PXDNL: variants seen among roughly 807,000 people sequenced by gnomAD.
PXDNL encodes peroxidasin like.
Under a neutral mutation model 150.8 loss-of-function variants are expected in PXDNL, and 145 were observed. The ratio of observed to expected loss-of-function variants is 0.96; its 90% CI spans 0.84 to 1.10. The LOEUF (loss-of-function observed/expected upper bound fraction) is 1.10, where lower values mean the gene tolerates loss of function less well. Among genes scored for constraint, PXDNL ranks in the 50% least tolerant of loss-of-function variants. The pLI, the probability that PXDNL is intolerant of heterozygous loss-of-function variation, is 0.00. For synonymous variants in PXDNL, 757 were observed against 725.7 expected, an observed-to-expected ratio of 1.04 and a Z score of -0.69; for missense variants, 2,087 against 1,873.9, an observed-to-expected ratio of 1.11 and a Z score of -2.10.
chr8:51,672,906 G>C (rs1815529679), intron 1 of PXDNL, among the ~76,000 whole-genome samples: 1 of 152,018 alleles, frequency 6.6e-6, no homozygotes, highest in Non-Finnish European at 1.5e-5. Context: ...ATATATTCCT[G>C]ATTTGCTGTG....
intron 17 of PXDNL, among the ~76,000 whole-genome samples, chr8:51,404,883 G>A (rs377128136): frequency 1.1e-4 from 16 of 152,322 alleles, no homozygotes; most frequent in African/African-American, 3.6e-4. Flanking sequence ...GACGGTGATC[G>A]TCAGGGAGGC....
At chr8:51,462,029 A>G (rs1002462493) in intron 8 of PXDNL, among the ~76,000 whole-genome samples, 2 of 152,260 alleles carry the variant, frequency 1.3e-5, no homozygotes, top group East Asian at 1.9e-4. Context: ...TCTAGCCACA[A>G]ATTAAGTTCC....
intron 8 of PXDNL, 38 bp downstream of exon 8, chr8:51,472,146 CAGA>C (rs1810353128): frequency 1.5e-6 from 2 of 1,292,480 alleles, no homozygotes; most frequent in East Asian, 2.3e-5. Context: ...TTGCTGGAAT[CAGA>C]AGGAGAATCA....
At chr8:51,461,106 T>C (rs1214325120) in intron 8 of PXDNL, among the ~76,000 whole-genome samples, 3 of 152,164 alleles carry the variant, frequency 2.0e-5, no homozygotes, top group Non-Finnish European at 2.9e-5. Context: ...GCACAGCCAG[T>C]GCTAGACCCC....
At chr8:51,597,401 T>C (rs748315210) in intron 2 of PXDNL, among the ~76,000 whole-genome samples, 2 of 152,178 alleles carry the variant, frequency 1.3e-5, no homozygotes, top group East Asian at 1.9e-4. Flanking sequence ...TAGGGTTTCA[T>C]ATAAATTTTA....
chr8:51,458,153 C>T (rs1016848814), intron 8 of PXDNL, among the ~76,000 whole-genome samples: 6 of 152,190 alleles, frequency 3.9e-5, no homozygotes, highest in African/African-American at 1.4e-4. Flanking sequence ...AATTATATGA[C>T]TAAGCAATAA....
chr8:51,614,127 T>G (rs1248186180), intron 2 of PXDNL, among the ~76,000 whole-genome samples: 1 of 152,206 alleles, frequency 6.6e-6, no homozygotes, highest in Non-Finnish European at 1.5e-5. Context: ...AAAAATAACT[T>G]TCAGAATTAT....
chr8:51,696,790 C>CACACATCCACACACACAGGT (rs1563510230), intron 1 of PXDNL, among the ~76,000 whole-genome samples: 2 of 58,212 alleles, frequency 3.4e-5, no homozygotes, highest in Non-Finnish European at 3.6e-5. Context: ...CACATACCCA[C>CACACATCCACACACACAGGT]CCACACATAG....
intron 1 of PXDNL, among the ~76,000 whole-genome samples, chr8:51,696,844 C>CACACACATCCACACACAGGTCCA (rs1563510419): frequency 7.0e-6 from 1 of 143,328 alleles, no homozygotes; most frequent in Non-Finnish European, 1.5e-5. Context: ...CACACAGGTC[C>CACACACATCCACACACAGGTCCA]TGACACACAC....
In PXDNL at chr8:51,409,055, C is replaced by A; in HGVS notation, c.2569G>T (p.Ala857Ser). Reference protein sequence around the residue: ...TRHADPRGTHAPCMLFARSSP... With the variant: ...TRHADPRGTHSPCMLFARSSP... ...GAGCGCGCGAAGAGCATGCAGGGCG[C>A]GTGGGTGCCCCGGGGGTCGGCGTGC... The change falls in exon 17 of 23, where the codon GCG (alanine) becomes TCG (serine). Residue 857 changes from alanine (A) to serine (S), a missense_variant. Coordinates refer to ENST00000356297, the MANE Select transcript of PXDNL (RefSeq NM_144651.5). The A allele has an allele frequency of 6.2e-7, 1 of 1,609,890 alleles. No individual in the cohort carries two copies. Among genetic ancestry groups the A allele is most frequent in the Non-Finnish European group, 8.5e-7 (1 of 1,179,552 alleles).
chr8:51,694,294 C>T (rs528956356), intron 1 of PXDNL, among the ~76,000 whole-genome samples: 4 of 152,102 alleles, frequency 2.6e-5, no homozygotes, highest in East Asian at 3.9e-4. Flanking sequence ...ATCCAGGAGG[C>T]GGAGGTTGCA....
intron 17 of PXDNL, among the ~76,000 whole-genome samples, chr8:51,402,705 T>C (rs1808294255): frequency 6.6e-6 from 1 of 152,176 alleles, no homozygotes; most frequent in African/African-American, 2.4e-5. Context: ...GAAATTTATG[T>C]TCACCATTCA....
chr8:51,787,852 T>G (rs567109972), intron 1 of PXDNL, among the ~76,000 whole-genome samples: 1 of 152,014 alleles, frequency 6.6e-6, no homozygotes, highest in African/African-American at 2.4e-5. Context: ...AAAAGAAGAG[T>G]CCATTAATGC....
intron 20 of PXDNL, among the ~76,000 whole-genome samples, chr8:51,344,625 T>C (rs1277295412): frequency 6.6e-6 from 1 of 152,218 alleles, no homozygotes; most frequent in African/African-American, 2.4e-5. Flanking sequence ...ATAAGCACTT[T>C]CGTTAAGTGA....
chr8:51,339,779 A>C, intron 20 of PXDNL, 26 bp from the exon 21 acceptor site: 2 of 1,582,472 alleles, frequency 1.3e-6, no homozygotes, highest in Non-Finnish European at 1.7e-6. Flanking sequence ...AGCAAATAAA[A>C]TGCTGAAAAA....
intron 3 of PXDNL, among the ~76,000 whole-genome samples, chr8:51,580,273 T>C (rs1813178160): frequency 6.6e-6 from 1 of 152,124 alleles, no homozygotes; most frequent in African/African-American, 2.4e-5. Flanking sequence ...CATTCCATTA[T>C]ATTTTTGCTA....
intron 1 of PXDNL, among the ~76,000 whole-genome samples, chr8:51,722,943 A>G (rs987861241): frequency 6.6e-6 from 1 of 151,816 alleles, no homozygotes; most frequent in African/African-American, 2.4e-5. Flanking sequence ...TCTATCCAGT[A>G]TTTCCCTGTC....
chr8:51,670,671 T>A (rs1203113130), intron 1 of PXDNL, among the ~76,000 whole-genome samples: 1 of 152,226 alleles, frequency 6.6e-6, no homozygotes, highest in African/African-American at 2.4e-5. Context: ...TTATCATTTT[T>A]AAATTTTTCA....
At chr8:51,535,074 G>C (rs1339930731) in intron 4 of PXDNL, among the ~76,000 whole-genome samples, 3 of 100,860 alleles carry the variant, frequency 3.0e-5, no homozygotes, top group Admixed American at 2.6e-4. Flanking sequence ...CTGGCCAGCC[G>C]CCCCGTCCGG....
Sources: allele counts gnomAD v4.1 joint callset (sites outside exome capture counted in the v4.1 genomes callset), GRCh38; gene constraint gnomAD v4.1.1; transcripts MANE v1.5; gene names NCBI Gene and HGNC (gene_info 2026-07-23, HGNC 2026-07-21).